Variants in PCYT1A observed in about 807,000 individuals in gnomAD.
The protein encoded by PCYT1A is choline-phosphate cytidylyltransferase A.
Under a neutral mutation model 43.7 loss-of-function variants are expected in PCYT1A, and 25 were observed. That is an observed-to-expected ratio of 0.57 (90% CI 0.42 to 0.80). The LOEUF is 0.80. Among genes scored for constraint, PCYT1A ranks in the 30% least tolerant of loss-of-function variants. The probability of loss-of-function intolerance (pLI) is 0.00; values close to 1 mark genes in which losing one functional copy is unlikely to be tolerated. For synonymous variants in PCYT1A, 172 were observed against 170.7 expected (o/e 1.01, Z -0.06); for missense variants, 421 against 474.2 (o/e 0.89, Z 1.04).
chr3:196,250,970 T>C (rs1215649388), intron 3 of PCYT1A, among the ~76,000 whole-genome samples: 20 of 102,426 alleles, frequency 2.0e-4, no homozygotes, highest in East Asian at 3.3e-4. Flanking sequence ...TATGCTGAGG[T>C]TGAGGACCAG....
In PCYT1A at chr3:196,281,746, C is replaced by T. The variant is rs75313507; in HGVS notation, c.-11+5869G>A. Among the ~76,000 whole-genome samples, 1,178 of 152,240 alleles carry T rather than the reference C, an allele frequency of 7.7e-3. 11 individuals carry two copies. The highest frequency in any genetic ancestry group is 0.026 in the African/African-American group (1,059 of 41,524). On this transcript the variant is annotated intron_variant, in intron 1 of 8. Coordinates refer to ENST00000431016, the MANE Select transcript of PCYT1A (RefSeq NM_001312673.2). ...AACAGTGTTAGAAATAGAATTATTT[C>T]GAGTACAGTGGTGCAATCATGGCTC...
At chr3:196,275,669 G>C (rs1250427777) in intron 1 of PCYT1A, among the ~76,000 whole-genome samples, 3 of 151,716 alleles carry the variant, frequency 2.0e-5, no homozygotes, top group African/African-American at 7.3e-5. Flanking sequence ...GGAGACAGAG[G>C]TTGCAGTGAG....
intron 2 of PCYT1A, among the ~76,000 whole-genome samples, chr3:196,265,634 T>A (rs1725243983): frequency 1.3e-5 from 2 of 152,086 alleles, no homozygotes; most frequent in Admixed American, 1.3e-4. Flanking sequence ...CTAAAGCTAA[T>A]GAGCTCCACC....
chr3:196,280,852 C>T (rs1039357835), intron 1 of PCYT1A, among the ~76,000 whole-genome samples: 5 of 152,110 alleles, frequency 3.3e-5, no homozygotes, highest in South Asian at 2.1e-4. Context: ...ATTTTCTGAC[C>T]GTGGCTGACT....
rs1458838251 is a variant in PCYT1A, at chr3:196,252,601, T to G, written c.218-4278A>C. 6.6e-6 allele frequency among the ~76,000 whole-genome samples: 1 copy of G among 152,206 alleles called. No individual in the cohort carries two copies. The highest frequency in any genetic ancestry group is 2.4e-5 in the African/African-American group (1 of 41,452). On this transcript the variant is annotated intron_variant, in intron 3 of 8. Coordinates refer to ENST00000431016, the MANE Select transcript of PCYT1A (RefSeq NM_001312673.2). This position sits in a 1 kb window ranked among gnomAD's most constrained non-coding sequence, Gnocchi z 4.0. Reference sequence around the variant, plus strand: ...AAAAATTTTAAATTAAATATACCAATCCAATGAAAAACTAAGAATTAATTA... The same window carrying G: ...AAAAATTTTAAATTAAATATACCAAGCCAATGAAAAACTAAGAATTAATTA...
rs1235481703 is a variant in PCYT1A, at chr3:196,261,293, AACT to A, written c.118-3409_118-3407del. Among the ~76,000 whole-genome samples, 3 of 152,180 alleles carry A rather than the reference AACT, an allele frequency of 2.0e-5. No individual in the cohort carries two copies. The East Asian group carries it at 5.8e-4, about 29-fold the overall frequency. ...TGTACAACAGTATGACTAGACTATA[AACT>A]ACTGACTTATATACTTTAAAATGGT... On this transcript the variant is annotated intron_variant, in intron 2 of 8. Coordinates refer to ENST00000431016, the MANE Select transcript of PCYT1A (RefSeq NM_001312673.2).
intron 2 of PCYT1A, among the ~76,000 whole-genome samples, chr3:196,265,147 T>TCTGCCTCCTGGGTTCAAGCCATTCTC (rs1725229393): frequency 6.6e-6 from 1 of 152,112 alleles, no homozygotes; most frequent in Admixed American, 6.6e-5. Context: ...CACTGCAACC[T>TCTGCCTCCTGGGTTCAAGCCATTCTC]CTGCCTCCTG....
chr3:196,260,516 T>C (rs145548534), intron 2 of PCYT1A, among the ~76,000 whole-genome samples: 120 of 152,294 alleles, frequency 7.9e-4, no homozygotes, highest in African/African-American at 2.8e-3. Context: ...CTGCTAGGTA[T>C]ATACCCAAGA....
intron 5 of PCYT1A, among the ~76,000 whole-genome samples, chr3:196,246,410 T>C (rs994959174): frequency 2.6e-5 from 4 of 152,086 alleles, no homozygotes; most frequent in African/African-American, 9.7e-5. Context: ...GCTTTTTTTT[T>C]TTTAAAGTAG....
intron 2 of PCYT1A, among the ~76,000 whole-genome samples, chr3:196,262,730 A>G (rs1725150612): frequency 6.6e-6 from 1 of 152,026 alleles, no homozygotes; most frequent in African/African-American, 2.4e-5. Flanking sequence ...AATTCAAATA[A>G]TATAGACTAG....
chr3:196,248,396 G>A lies in PCYT1A; in HGVS notation c.218-73C>T, dbSNP rs113773428. ...CATTTTTATTTTTATTTTTGAGGCC[G>A]AGTCTCACTCTGTCACCCAGGCTGG... On this transcript the variant is annotated intron_variant, in intron 3 of 8. Transcript: ENST00000431016. The A allele has an allele frequency of 7.2e-4, 651 of 899,886 alleles. 5 individuals carry two copies. Among genetic ancestry groups the A allele is most frequent in the South Asian group, 4.7e-3 (333 of 71,116 alleles). 55.7% of individuals were successfully genotyped at this position (899,886 alleles called of 1,614,324 possible). A position where few individuals can be genotyped will look rare whatever the true frequency, so the allele number is the denominator to read the frequency against.
At chr3:196,286,271 T>C (rs1725911378) in intron 1 of PCYT1A, among the ~76,000 whole-genome samples, 1 of 152,132 alleles carries the variant, frequency 6.6e-6, no homozygotes, top group Non-Finnish European at 1.5e-5. Context: ...CCAACTGAGA[T>C]GCCGAGTTTC....
At chr3:196,285,058 A>AG (rs1725869384) in intron 1 of PCYT1A, among the ~76,000 whole-genome samples, 1 of 152,208 alleles carries the variant, frequency 6.6e-6, no homozygotes, top group Non-Finnish European at 1.5e-5. Context: ...TACAGAGTGT[A>AG]GGGGGCAGGA....
At chr3:196,244,948 C>A (rs1488170863) in intron 5 of PCYT1A, among the ~76,000 whole-genome samples, 4 of 152,156 alleles carry the variant, frequency 2.6e-5, no homozygotes, top group African/African-American at 9.7e-5. Flanking sequence ...GGGACACAAA[C>A]ACTGCAGAAG....
At chr3:196,238,957 C>T in intron 8 of PCYT1A, 63 bp from the exon 9 acceptor site, 1 of 1,007,834 alleles carries the variant, frequency 9.9e-7, no homozygotes, top group Non-Finnish European at 1.4e-6. Flanking sequence ...ATCACTGAAG[C>T]ATCTAGGACT....
At position 196,241,382 on chromosome 3, in the gene PCYT1A, C is replaced by T. The variant is rs535209276; in HGVS notation, c.708+566G>A. The T allele has an allele frequency of 1.4e-4, 57 of 418,096 alleles. 2 individuals carry two copies. Among genetic ancestry groups the T allele is most frequent in the South Asian group, 1.0e-3 (49 of 48,668 alleles). The allele number at this position is 418,096 out of a possible 1,614,324, so 25.9% of individuals were successfully genotyped here. On this transcript the variant is annotated intron_variant, in intron 7 of 8. Transcript: ENST00000431016. ...GTCTGTTTGTTTAGAGATGGGGTCT[C>T]GCTATGTTGCCCCCAGACTGGTCTC...
At position 196,242,927 on chromosome 3, in the gene PCYT1A, T is replaced by C. The variant is rs1481258709; in HGVS notation, c.487-287A>G. 4.8e-6 allele frequency: 2 copies of C among 414,802 alleles called. No individual in the cohort carries two copies. The highest frequency in any genetic ancestry group is 5.0e-5 in the South Asian group (2 of 39,940). 25.7% of individuals were successfully genotyped at this position (414,802 alleles called of 1,614,324 possible). ...ATACCAGTCATCTTGCTGTGGTCAATAGGGCCAGAGGGTTTGCTGGTGAAC... is the reference window on the plus strand; with the variant it reads ...ATACCAGTCATCTTGCTGTGGTCAACAGGGCCAGAGGGTTTGCTGGTGAAC... On this transcript the variant is annotated intron_variant, in intron 5 of 8. Coordinates refer to ENST00000431016, the MANE Select transcript of PCYT1A (RefSeq NM_001312673.2). This position sits in a 1 kb window ranked among gnomAD's most constrained non-coding sequence, Gnocchi z 4.2.
In PCYT1A at chr3:196,242,980, A is replaced by G. The variant is rs1395347513; in HGVS notation, c.487-340T>C. 1 of 282,384 alleles carries G rather than the reference A, an allele frequency of 3.5e-6. No homozygotes were observed. The highest frequency in any genetic ancestry group is 6.8e-6 in the Non-Finnish European group (1 of 146,158). The allele number at this position is 282,384 out of a possible 1,614,324, so 17.5% of individuals were successfully genotyped here. Reference sequence around the variant, plus strand: ...GTTAGTGGGTGGAGCCTAGGAAAGAAGGAAATCTCCCTGTCCTGGGTCTGG... The same window carrying G: ...GTTAGTGGGTGGAGCCTAGGAAAGAGGGAAATCTCCCTGTCCTGGGTCTGG... On this transcript the variant is annotated intron_variant, in intron 5 of 8. Transcript: ENST00000431016. The surrounding 1 kb of genome is among the most constrained non-coding windows in gnomAD (Gnocchi z 4.2).
chr3:196,239,156 T>G (rs1368213797), intron 8 of PCYT1A, among the ~76,000 whole-genome samples: 1 of 152,224 alleles, frequency 6.6e-6, no homozygotes, highest in Non-Finnish European at 1.5e-5. Flanking sequence ...TTGAAAAGAC[T>G]GCTACTCCTC....
Sources: allele counts gnomAD v4.1 joint callset (sites outside exome capture counted in the v4.1 genomes callset), GRCh38; gene constraint gnomAD v4.1.1; non-coding constraint Gnocchi (gnomAD v3.1); transcripts MANE v1.5; gene names NCBI Gene and HGNC (gene_info 2026-07-23, HGNC 2026-07-21).